The following B3GLCT variants were observed in gnomAD, a reference collection of about 807,000 sequenced individuals.
The protein encoded by B3GLCT is beta-1,3-glucosyltransferase.
Under a neutral mutation model 63.4 loss-of-function variants are expected in B3GLCT, and 65 were observed. The observed-to-expected ratio is 1.03, with a 90% confidence interval of 0.84 to 1.26. The LOEUF (loss-of-function observed/expected upper bound fraction) is 1.26, where lower values mean the gene tolerates loss of function less well. B3GLCT is among the 50% of genes most tolerant of loss of function. The pLI is 0.00. For missense variants in B3GLCT, 577 were observed against 604.8 expected (o/e 0.95, Z 0.48); for synonymous variants, 233 against 219.2 (o/e 1.06, Z -0.55).
intron 4 of B3GLCT, among the ~76,000 whole-genome samples, chr13:31,241,801 A>C (rs960791379): frequency 6.6e-6 from 1 of 152,182 alleles, no homozygotes; most frequent in African/African-American, 2.4e-5. Flanking sequence ...ACTGGATATT[A>C]GGGAATGGAT....
At chr13:31,239,521 T>G (rs1870825837) in intron 4 of B3GLCT, among the ~76,000 whole-genome samples, 1 of 152,210 alleles carries the variant, frequency 6.6e-6, no homozygotes, top group East Asian at 1.9e-4. Context: ...GACATCTGTT[T>G]TTTTGACTTA....
At chr13:31,211,479 G>A (rs866110071) in intron 1 of B3GLCT, among the ~76,000 whole-genome samples, 12 of 152,050 alleles carry the variant, frequency 7.9e-5, no homozygotes, top group Admixed American at 5.2e-4. Context: ...TAACTCTGAT[G>A]CATTTTTTAT....
At chr13:31,227,872 G>T (rs552812820) in intron 3 of B3GLCT, among the ~76,000 whole-genome samples, 2 of 152,340 alleles carry the variant, frequency 1.3e-5, no homozygotes, top group East Asian at 1.9e-4. Context: ...TGACAATCTG[G>T]CTGAAGGCTA....
intron 8 of B3GLCT, among the ~76,000 whole-genome samples, 165 bp from the exon 9 acceptor site, chr13:31,274,344 C>T (rs1872688682): frequency 6.6e-6 from 1 of 152,184 alleles, no homozygotes; most frequent in Non-Finnish European, 1.5e-5. Context: ...ATGGAATTGT[C>T]ATTTTTTTAA....
At chr13:31,259,994 C>A (rs1401493697) in intron 6 of B3GLCT, among the ~76,000 whole-genome samples, 2 of 152,132 alleles carry the variant, frequency 1.3e-5, no homozygotes, top group African/African-American at 4.8e-5. Context: ...CTATTGTGGT[C>A]AGAAGTGGAA....
chr13:31,304,566 C>T (rs1365168320), intron 12 of B3GLCT, among the ~76,000 whole-genome samples: 1 of 57,000 alleles, frequency 1.8e-5, no homozygotes, highest in Non-Finnish European at 3.3e-5. Flanking sequence ...CAACAAAGAT[C>T]AAAAGAGACA....
chr13:31,283,446 G>A (rs991353563), intron 10 of B3GLCT: 1 of 152,086 alleles, frequency 6.6e-6, no homozygotes, highest in African/African-American at 2.4e-5. Context: ...TCCGCCAGTA[G>A]CCCTATTATT....
At chr13:31,246,234 A>T (rs188061646) in intron 4 of B3GLCT, among the ~76,000 whole-genome samples, 3 of 152,214 alleles carry the variant, frequency 2.0e-5, no homozygotes, top group Middle Eastern at 3.2e-3. Flanking sequence ...AGGTTTAAGC[A>T]TATGAGATAT....
chr13:31,245,976 A>G (rs1324768874), intron 4 of B3GLCT, among the ~76,000 whole-genome samples: 1 of 152,230 alleles, frequency 6.6e-6, no homozygotes, highest in African/African-American at 2.4e-5. Context: ...GGAAGTTGAA[A>G]TGAATATTAT....
chr13:31,328,451 T>C (rs1353503630), intron 14 of B3GLCT, among the ~76,000 whole-genome samples: 1 of 152,060 alleles, frequency 6.6e-6, no homozygotes, highest in Non-Finnish European at 1.5e-5. Context: ...CTCAGCACTT[T>C]GGGAGGCCAA....
At chr13:31,236,067 T>C (rs1870631410) in intron 4 of B3GLCT, among the ~76,000 whole-genome samples, 2 of 152,236 alleles carry the variant, frequency 1.3e-5, no homozygotes, top group African/African-American at 4.8e-5. Context: ...GCATTTCACG[T>C]ATGCACCCCC....
intron 4 of B3GLCT, among the ~76,000 whole-genome samples, chr13:31,237,730 G>A (rs954486749): frequency 6.6e-6 from 1 of 152,158 alleles, no homozygotes; most frequent in Non-Finnish European, 1.5e-5. Context: ...AGCTGAGAAA[G>A]GGAAAAACTA....
chr13:31,244,071 T>C (rs1165477630), intron 4 of B3GLCT, among the ~76,000 whole-genome samples: 1 of 152,254 alleles, frequency 6.6e-6, no homozygotes, highest in Non-Finnish European at 1.5e-5. Flanking sequence ...GTTGCATGCA[T>C]GAATGCCTTT....
chr13:31,213,608 A>ACCCCCCCCCCCCCCCCCCCCCCCC (rs1237901111), intron 1 of B3GLCT, among the ~76,000 whole-genome samples: 5 of 51,272 alleles, frequency 9.8e-5, no homozygotes, highest in South Asian at 1.2e-3. Context: ...ACAAAACAAC[A>ACCCCCCCCCCCCCCCCCCCCCCCC]CCCCCCCACC....
At chr13:31,273,629 ATTGTTCTGTAAGCACCC>A (rs1872662694) in intron 8 of B3GLCT, among the ~76,000 whole-genome samples, 1 of 151,272 alleles carries the variant, frequency 6.6e-6, no homozygotes, top group African/African-American at 2.4e-5. Context: ...TCTCTGAGTG[ATTGTTCTGTAAGCACCC>A]TTGTTCCTTT....
At position 31,260,971 on chromosome 13, in the gene B3GLCT, A is replaced by G. The variant is rs1871997187; in HGVS notation, c.485A>G (p.His162Arg). 6.2e-7 allele frequency: 1 copy of G among 1,614,070 alleles called. No homozygotes were observed. Among genetic ancestry groups the G allele is most frequent in the South Asian group, 1.1e-5 (1 of 91,076 alleles). The change falls in exon 7 of 15, where the codon CAT (histidine) becomes CGT (arginine). Residue 162 changes from histidine to arginine, a missense_variant. Transcript: ENST00000343307. ...GAATGGTTTTTGGGAAAAGCATTAC[A>G]TGATGAAGAAGCTACAATAATTCAC... is the stretch of plus-strand genomic sequence containing the variant. ...SKEWFLGKALHDEEATIIHHY... is the reference protein window; with the variant it reads ...SKEWFLGKALRDEEATIIHHY...
intron 7 of B3GLCT, among the ~76,000 whole-genome samples, chr13:31,267,851 CTT>C (rs745334847): frequency 7.0e-6 from 1 of 143,648 alleles, no homozygotes; most frequent in Non-Finnish European, 1.5e-5. Flanking sequence ...TTGTTTCTTT[CTT>C]TTTTTTTTTT....
intron 1 of B3GLCT, among the ~76,000 whole-genome samples, chr13:31,213,731 T>C (rs549324981): frequency 1.3e-3 from 195 of 149,482 alleles, no homozygotes; most frequent in African/African-American, 4.7e-3. Flanking sequence ...CAGTTGGTGA[T>C]AAGTGCTCTG....
intron 2 of B3GLCT, among the ~76,000 whole-genome samples, chr13:31,218,154 G>A (rs1869644038): frequency 7.1e-6 from 1 of 140,892 alleles, no homozygotes; most frequent in Non-Finnish European, 1.6e-5. Flanking sequence ...CTGGTTAGCT[G>A]TATTCCTAGG....
Sources: allele counts gnomAD v4.1 joint callset (sites outside exome capture counted in the v4.1 genomes callset), GRCh38; gene constraint gnomAD v4.1.1; transcripts MANE v1.5; gene names NCBI Gene and HGNC (gene_info 2026-07-23, HGNC 2026-07-21).